Variants in SPATS2L observed in about 807,000 individuals in gnomAD.
The protein encoded by SPATS2L is spermatogenesis associated serine rich 2 like, also known as SPATS2-like protein.
In SPATS2L, 30 loss-of-function variants were observed where a neutral mutation model predicts 59.6. The ratio of observed to expected loss-of-function variants is 0.50; its 90% CI spans 0.38 to 0.68. The LOEUF is 0.68. Among genes scored for constraint, SPATS2L ranks in the 30% least tolerant of loss-of-function variants. The probability of loss-of-function intolerance (pLI) is 0.00; values close to 1 mark genes in which losing one functional copy is unlikely to be tolerated. For missense variants in SPATS2L, 615 were observed against 700.0 expected (o/e 0.88, Z 1.37); for synonymous variants, 252 against 263.5 (o/e 0.96, Z 0.42).
At chr2:200,306,493 G>A, upstream of SPATS2L, 1 of 1,002,312 alleles carries the variant, frequency 1.0e-6, no homozygotes. Context: ...GGAGGGACGA[G>A]ATCTGTGTCA....
chr2:200,451,832 C>T (rs1317818572), intron 8 of SPATS2L, among the ~76,000 whole-genome samples: 1 of 148,490 alleles, frequency 6.7e-6, no homozygotes. Context: ...TTTCTTTTTT[C>T]TTTTCTTTTT....
chr2:200,392,173 GC>G (rs2082191944), intron 3 of SPATS2L, among the ~76,000 whole-genome samples: 1 of 152,172 alleles, frequency 6.6e-6, no homozygotes, highest in Admixed American at 6.5e-5. Flanking sequence ...TCCAATAGGG[GC>G]TGGTTGCCCA....
rs1189832881 is a variant in SPATS2L at position 200,480,132 on chromosome 2, G to GA, written c.*2108dup. On this transcript the variant is annotated 3_prime_UTR_variant, in exon 13 of 13. Transcript: ENST00000409140. ...TGAGTCAAGTAATTCTTGGAACAGG[G>GA]AAAAAAATGAATTTGCCAGGTCAGG... 6.1e-6 allele frequency: 1 copy of GA among 163,190 alleles called. No homozygotes were observed. The highest frequency in any genetic ancestry group is 1.3e-5 in the Non-Finnish European group (1 of 75,618). The allele number at this position is 163,190 out of a possible 1,614,324, so 10.1% of individuals were successfully genotyped here.
At chr2:200,362,767 A>G (rs1266704125) in intron 2 of SPATS2L, among the ~76,000 whole-genome samples, 1 of 130,746 alleles carries the variant, frequency 7.6e-6, no homozygotes, top group East Asian at 2.8e-4. Context: ...CTAGGGGACT[A>G]GTAAGCAAAG....
chr2:200,395,392 A>T (rs78478595), intron 3 of SPATS2L, among the ~76,000 whole-genome samples: 2 of 152,198 alleles, frequency 1.3e-5, no homozygotes, highest in Non-Finnish European at 2.9e-5. Context: ...ACTAATTCCA[A>T]TGAGTGACCT....
intron 2 of SPATS2L, among the ~76,000 whole-genome samples, chr2:200,355,497 A>C (rs1337064755): frequency 6.6e-6 from 1 of 152,344 alleles, no homozygotes; most frequent in Non-Finnish European, 1.5e-5. Context: ...CACACACACA[A>C]ACACACAAAT....
chr2:200,373,796 T>G lies in SPATS2L; in HGVS notation c.-22-15427T>G, dbSNP rs552168287. Among the ~76,000 whole-genome samples the G allele has an allele frequency of 1.7e-4, 26 of 152,330 alleles. No individual in the cohort carries two copies. In the East Asian group the frequency reaches 4.6e-3, roughly 27 times the overall value. ...TATATTTTTACAAAACTGAAAGTAC[T>G]GAAAGTCAGCTTGCACCAATTTGAA... On this transcript the variant is annotated intron_variant, in intron 2 of 12. Coordinates refer to ENST00000409140, the MANE Select transcript of SPATS2L (RefSeq NM_001100423.2).
rs550900097 is a variant in SPATS2L, at chr2:200,456,466, T to C, written c.789-3303T>C. ...TCCCTCCTGTTGCTAGCCCAGAAGG[T>C]CTGAACTAACCATTGTATATAAATG... On this transcript the variant is annotated intron_variant, in intron 8 of 12. Transcript: ENST00000409140. Among the ~76,000 whole-genome samples, 4 of 152,286 alleles carry C rather than the reference T, an allele frequency of 2.6e-5. No homozygotes were observed. The East Asian group carries it at 7.7e-4, about 29-fold the overall frequency.
chr2:200,410,524 C>G (rs1434915732), intron 3 of SPATS2L, among the ~76,000 whole-genome samples: 1 of 152,152 alleles, frequency 6.6e-6, no homozygotes, highest in African/African-American at 2.4e-5. Flanking sequence ...GTTCTGGCTT[C>G]CTCTTGTACT....
intron 2 of SPATS2L, among the ~76,000 whole-genome samples, chr2:200,344,880 G>A (rs1385394712): frequency 6.6e-6 from 1 of 152,080 alleles, no homozygotes; most frequent in African/African-American, 2.4e-5. Context: ...TTTGAGAAGT[G>A]TCTGTTCATA....
intron 3 of SPATS2L, among the ~76,000 whole-genome samples, chr2:200,399,049 A>G (rs1046342558): frequency 1.8e-4 from 28 of 152,206 alleles, no homozygotes; most frequent in Admixed American, 1.7e-3. Context: ...TATATAACTT[A>G]ATGTTTTTCT....
chr2:200,408,177 G>A (rs565107374), intron 3 of SPATS2L, among the ~76,000 whole-genome samples: 1 of 152,274 alleles, frequency 6.6e-6, no homozygotes, highest in Admixed American at 6.5e-5. Flanking sequence ...CACCTGGAAT[G>A]TGCAATTCAG....
At position 200,459,790 on chromosome 2, in the gene SPATS2L, A is replaced by T; in HGVS notation, c.810A>T (p.Ser270=). The change falls in exon 9 of 13, where the codon TCA becomes TCT. Residue 270 remains serine (S), a synonymous_variant. Coordinates refer to ENST00000409140, the MANE Select transcript of SPATS2L (RefSeq NM_001100423.2). ...LHNCIIDKEV[S]LMAEMDKVKE... ...CCAGCATCATTGACAAAGAAGTTTCATTAATGGCAGAAATGGATAAAGTTA... is the reference window on the plus strand; with the variant it reads ...CCAGCATCATTGACAAAGAAGTTTCTTTAATGGCAGAAATGGATAAAGTTA... 1 of 1,613,044 alleles carries T rather than the reference A, an allele frequency of 6.2e-7. No individual in the cohort carries two copies. The highest frequency in any genetic ancestry group is 1.3e-5 in the African/African-American group (1 of 75,036).
intron 2 of SPATS2L, among the ~76,000 whole-genome samples, chr2:200,349,955 A>C (rs1173500620): frequency 6.6e-6 from 1 of 152,148 alleles, no homozygotes; most frequent in African/African-American, 2.4e-5. Flanking sequence ...CCACTGCCCC[A>C]GGCTATTGAA....
Position 200,345,438 on chromosome 2 carries a change from G to A in SPATS2L, c.-23+15958G>A, listed in dbSNP as rs1197622199. Among the ~76,000 whole-genome samples, 171 of 152,304 alleles carry A rather than the reference G, an allele frequency of 1.1e-3. 1 individual carries two copies. The highest frequency in any genetic ancestry group is 2.0e-3 in the Admixed American group (31 of 15,296). On this transcript the variant is annotated intron_variant, in intron 2 of 12. Transcript: ENST00000409140. ...ATTTGTTTGTAAACATATTTCAGCT[G>A]AACATGTGTGCTGTGATTTTGAAAA...
intron 6 of SPATS2L, among the ~76,000 whole-genome samples, chr2:200,436,527 T>C (rs758650299): frequency 6.6e-6 from 1 of 152,160 alleles, no homozygotes; most frequent in Non-Finnish European, 1.5e-5. Flanking sequence ...TCAATTGATA[T>C]CTGATGGGGA....
intron 9 of SPATS2L, among the ~76,000 whole-genome samples, chr2:200,465,274 T>C (rs556406510): frequency 6.6e-6 from 1 of 152,308 alleles, no homozygotes; most frequent in East Asian, 1.9e-4. Flanking sequence ...TGTAGGAAGG[T>C]TGACCAACTG....
At chr2:200,307,650 G>T (rs1479190108) in intron 1 of SPATS2L, among the ~76,000 whole-genome samples, 2 of 152,236 alleles carry the variant, frequency 1.3e-5, no homozygotes, top group Non-Finnish European at 2.9e-5. Context: ...CGCGCTGGAC[G>T]CCGGCGCACT....
intron 2 of SPATS2L, among the ~76,000 whole-genome samples, chr2:200,354,657 A>G (rs1373649635): frequency 6.6e-6 from 1 of 151,730 alleles, no homozygotes; most frequent in Admixed American, 6.6e-5. Context: ...TACCCACTTC[A>G]TTCTCGTGCC....
Sources: gnomAD v4.1 joint callset for allele counts (sites outside exome capture counted in the v4.1 genomes callset) on GRCh38, gnomAD v4.1.1 for gene constraint, MANE v1.5 for transcripts, NCBI Gene and HGNC (gene_info 2026-07-23, HGNC 2026-07-21) for gene names.